Variants in L3MBTL4 observed in about 807,000 individuals in gnomAD.
L3MBTL4 encodes lethal(3)malignant brain tumor-like protein 4.
In L3MBTL4, 70 loss-of-function variants were observed where a neutral mutation model predicts 84.5. The ratio of observed to expected loss-of-function variants is 0.83; its 90% CI spans 0.68 to 1.01. L3MBTL4 has a LOEUF of 1.01. L3MBTL4 is among the 50% of genes least tolerant of loss of function. The pLI is 0.00. For synonymous variants in L3MBTL4, 274 were observed against 259.8 expected, an observed-to-expected ratio of 1.05 and a Z score of -0.52; for missense variants, 715 against 754.8, an observed-to-expected ratio of 0.95 and a Z score of 0.62.
At chr18:6,091,675 A>G (rs2058462880) in intron 15 of L3MBTL4, among the ~76,000 whole-genome samples, 1 of 152,198 alleles carries the variant, frequency 6.6e-6, no homozygotes, top group South Asian at 2.1e-4. Context: ...GAGGCAACAT[A>G]TCTGTGTTTG....
At chr18:6,311,908 C>G (rs2050853853) in intron 2 of L3MBTL4, 90 bp downstream of exon 2, 1 of 314,836 alleles carries the variant, frequency 3.2e-6, no homozygotes, top group African/African-American at 2.2e-5. Context: ...TGCTTTTGGT[C>G]TTATCTGGGA....
intron 5 of L3MBTL4, chr18:6,260,458 T>C (rs904727690): frequency 6.6e-6 from 1 of 152,224 alleles, no homozygotes; most frequent in Non-Finnish European, 1.5e-5. Flanking sequence ...CTTTGATTTC[T>C]TTTAGCCGTG....
chr18:6,149,140 C>T (rs1001384419), intron 13 of L3MBTL4, among the ~76,000 whole-genome samples: 1 of 151,134 alleles, frequency 6.6e-6, no homozygotes, highest in Non-Finnish European at 1.5e-5. Flanking sequence ...GTTGGTGTGC[C>T]GCACCTATCA....
At chr18:5,999,720 T>A (rs1159928799) in intron 16 of L3MBTL4, among the ~76,000 whole-genome samples, 1 of 152,146 alleles carries the variant, frequency 6.6e-6, no homozygotes, top group Non-Finnish European at 1.5e-5. Context: ...CAGAAGCAAC[T>A]GTGATTGGCT....
intron 16 of L3MBTL4, among the ~76,000 whole-genome samples, chr18:5,989,849 C>T (rs4797238): frequency 6.6e-6 from 1 of 152,056 alleles, no homozygotes; most frequent in African/African-American, 2.4e-5. Flanking sequence ...ACTGAGGGAA[C>T]GAATCCACTT....
chr18:6,135,116 T>C (rs2059993244), intron 14 of L3MBTL4, among the ~76,000 whole-genome samples: 3 of 152,328 alleles, frequency 2.0e-5, no homozygotes, highest in Admixed American at 2.0e-4. Context: ...GGCTTGGGAC[T>C]TCCACCCTCT....
chr18:6,364,927 A>T (rs1466272000), intron 1 of L3MBTL4, among the ~76,000 whole-genome samples: 2 of 152,130 alleles, frequency 1.3e-5, no homozygotes, highest in African/African-American at 4.8e-5. Context: ...AATAGAAAAA[A>T]GACTAGTAAC....
intron 16 of L3MBTL4, chr18:6,030,412 A>G (rs2055731132): frequency 1.0e-6 from 1 of 985,086 alleles, no homozygotes; most frequent in Admixed American, 6.2e-5. Context: ...ACACAAACAT[A>G]TATACATCTT....
intron 1 of L3MBTL4, among the ~76,000 whole-genome samples, chr18:6,403,538 C>T (rs938555408): frequency 2.6e-5 from 4 of 152,198 alleles, no homozygotes; most frequent in African/African-American, 7.2e-5. Context: ...CATGTCCAGA[C>T]ATTTTGAAGT....
chr18:6,243,207 C>T (rs2047522223), intron 7 of L3MBTL4, 87 bp downstream of exon 7: 8 of 1,235,998 alleles, frequency 6.5e-6, no homozygotes, highest in Non-Finnish European at 8.7e-6. Flanking sequence ...ACCAGGATCT[C>T]TTCTTCGAAT....
chr18:6,366,991 A>C (rs985385353), intron 1 of L3MBTL4, among the ~76,000 whole-genome samples: 6 of 152,216 alleles, frequency 3.9e-5, no homozygotes, highest in Non-Finnish European at 8.8e-5. Context: ...ACCGAACCCA[A>C]GCAGGGCACA....
chr18:6,135,291 C>T (rs1188105688), intron 14 of L3MBTL4, among the ~76,000 whole-genome samples: 1 of 152,164 alleles, frequency 6.6e-6, no homozygotes, highest in African/African-American at 2.4e-5. Flanking sequence ...CCGTAAAGGT[C>T]CCTGACATGG....
At position 6,027,734 on chromosome 18, in the gene L3MBTL4, T is replaced by C. The variant is rs530567334; in HGVS notation, c.1444+53147A>G. Among the ~76,000 whole-genome samples the C allele has an allele frequency of 1.3e-5, 2 of 152,360 alleles. 1 individual carries two copies. The highest frequency in any genetic ancestry group is 4.1e-4 in the South Asian group (2 of 4,834). On this transcript the variant is annotated intron_variant, in intron 16 of 18. Coordinates refer to ENST00000317931, the MANE Select transcript of L3MBTL4 (RefSeq NM_001330559.2). ...ACTTTTTAATGATCACCATTCTAAC[T>C]GGCGTGAGATGGTATCTCACTGTGG...
chr18:6,146,229 C>A (rs1201234412), intron 13 of L3MBTL4, among the ~76,000 whole-genome samples: 2 of 152,184 alleles, frequency 1.3e-5, no homozygotes, highest in Non-Finnish European at 2.9e-5. Context: ...ACCTGCTGTG[C>A]GCTCTGCATC....
intron 5 of L3MBTL4, among the ~76,000 whole-genome samples, chr18:6,261,667 C>T (rs2048405405): frequency 6.6e-6 from 1 of 152,202 alleles, no homozygotes; most frequent in South Asian, 2.1e-4. Context: ...ATTTCAGGAA[C>T]AGAAATCCCA....
intron 13 of L3MBTL4, among the ~76,000 whole-genome samples, chr18:6,156,604 G>A (rs773285232): frequency 9.2e-5 from 14 of 152,136 alleles, no homozygotes; most frequent in East Asian, 5.8e-4. Flanking sequence ...AAGTCTCTGC[G>A]TGAACTCAGG....
At chr18:6,276,043 GCTCA>G (rs1414855996) in intron 4 of L3MBTL4, among the ~76,000 whole-genome samples, 1 of 152,164 alleles carries the variant, frequency 6.6e-6, no homozygotes, top group African/African-American at 2.4e-5. Context: ...TCATCCCTCT[GCTCA>G]CTGAGATAAA....
chr18:6,166,913 A>T (rs533541498), intron 13 of L3MBTL4, among the ~76,000 whole-genome samples: 35 of 152,292 alleles, frequency 2.3e-4, no homozygotes, highest in Admixed American at 2.0e-3. Flanking sequence ...AGATCAACAA[A>T]ATTGATAGAC....
chr18:6,148,456 G>T (rs1598908794), intron 13 of L3MBTL4, among the ~76,000 whole-genome samples: 1 of 152,182 alleles, frequency 6.6e-6, no homozygotes, highest in East Asian at 1.9e-4. Context: ...AGACTTGTTG[G>T]CTGGTATCAC....
Sources: gnomAD v4.1 joint callset for allele counts (sites outside exome capture counted in the v4.1 genomes callset) on GRCh38, gnomAD v4.1.1 for gene constraint, MANE v1.5 for transcripts, NCBI Gene and HGNC (gene_info 2026-07-23, HGNC 2026-07-21) for gene names.